The following ETFRF1 variants were observed in gnomAD, a reference collection of about 807,000 sequenced individuals.
ETFRF1 encodes electron transfer flavoprotein regulatory factor 1.
ETFRF1 carries 12 observed loss-of-function variants against 9.0 expected under a neutral mutation model. The ratio of observed to expected loss-of-function variants is 1.34; its 90% CI spans 0.86 to 2.16. The LOEUF (loss-of-function observed/expected upper bound fraction) is 2.16, where lower values mean the gene tolerates loss of function less well. Ranked by LOEUF, ETFRF1 falls within the 30% of genes most tolerant of loss-of-function variation. ETFRF1 has a pLI of 0.00. For synonymous variants in ETFRF1, 34 were observed against 33.2 expected (o/e 1.02, Z -0.08); for missense variants, 98 against 101.8 (o/e 0.96, Z 0.16).
intron 1 of ETFRF1, among the ~76,000 whole-genome samples, chr12:25,203,388 C>G (rs1324771818): frequency 6.6e-6 from 1 of 152,234 alleles, no homozygotes; most frequent in Non-Finnish European, 1.5e-5. Flanking sequence ...ACTATTCCAA[C>G]CTGCTTAACT....
chr12:25,202,081 A>AAAAAAAAAAAAAAAC, intron 1 of ETFRF1, among the ~76,000 whole-genome samples: 1 of 145,406 alleles, frequency 6.9e-6, no homozygotes, highest in Non-Finnish European at 1.5e-5. Flanking sequence ...AAAAAAAAAA[A>AAAAAAAAAAAAAAAC]AATTAGCCAG....
At position 25,204,493 on chromosome 12, in the gene ETFRF1, C is replaced by CA; in HGVS notation, c.*183dup. 1 of 440,412 alleles carries CA rather than the reference C, an allele frequency of 2.3e-6. No homozygotes were observed. Among genetic ancestry groups the CA allele is most frequent in the Non-Finnish European group, 3.9e-6 (1 of 255,808 alleles). 27.3% of individuals were successfully genotyped at this position (440,412 alleles called of 1,614,324 possible). The stretch of plus-strand genomic sequence containing the variant: ...GAGAAAGTATCAGCAACTTTATGCT[C>CA]AATTTTGATACAAACATAGCAATTT... On this transcript the variant is annotated 3_prime_UTR_variant, in exon 3 of 3. Transcript: ENST00000381356.
In ETFRF1 at chr12:25,195,327, C is replaced by A. The variant is rs1318864931; in HGVS notation, c.-48C>A. On this transcript the variant is annotated 5_prime_UTR_variant, in exon 1 of 3. Transcript: ENST00000381356. ...GCGGTCGAGGCTTTTGCGGCTCCGG[C>A]GTGCCGGAAAGTGCGTGAGTGCCGC... 2 of 601,590 alleles carry A rather than the reference C, an allele frequency of 3.3e-6. No individual in the cohort carries two copies. The highest frequency in any genetic ancestry group is 5.5e-5 in the East Asian group (2 of 36,216). The allele number at this position is 601,590 out of a possible 1,614,324, so 37.3% of individuals were successfully genotyped here. A position where few individuals can be genotyped will look rare whatever the true frequency, so the allele number is the denominator to read the frequency against.
chr12:25,202,305 AAGGCAGGCATCTGGGGAAGGTG>A (rs1951080869), intron 1 of ETFRF1, among the ~76,000 whole-genome samples: 4 of 152,068 alleles, frequency 2.6e-5, no homozygotes, highest in South Asian at 4.1e-4. Context: ...GGGGCTGAGC[AAGGCAGGCATCTGGGGAAGGTG>A]GGGGCGAGAG....
At chr12:25,201,701 T>C (rs1951074415) in intron 1 of ETFRF1, among the ~76,000 whole-genome samples, 1 of 152,142 alleles carries the variant, frequency 6.6e-6, no homozygotes, top group Non-Finnish European at 1.5e-5. Flanking sequence ...GCCTTTCAAA[T>C]TGTAAAAGGT....
chr12:25,199,554 A>C (rs955981527), intron 1 of ETFRF1, among the ~76,000 whole-genome samples: 21 of 151,096 alleles, frequency 1.4e-4, no homozygotes, highest in African/African-American at 5.1e-4. Context: ...GGAAAACTAC[A>C]TACTATATAC....
intron 1 of ETFRF1, 102 bp from the exon 2 acceptor site, chr12:25,203,818 T>C (rs1951097877): frequency 4.8e-6 from 3 of 626,438 alleles, no homozygotes; most frequent in Non-Finnish European, 7.6e-6. Flanking sequence ...GAAATATTTA[T>C]TGAATGTAAA....
intron 1 of ETFRF1, among the ~76,000 whole-genome samples, chr12:25,196,709 C>T (rs1352221347): frequency 6.6e-6 from 1 of 152,208 alleles, no homozygotes; most frequent in Non-Finnish European, 1.5e-5. Context: ...TTACTTAAAA[C>T]AGTAACCTCC....
intron 1 of ETFRF1, among the ~76,000 whole-genome samples, chr12:25,202,702 TGA>T (rs1406547802): frequency 6.6e-6 from 1 of 151,854 alleles, no homozygotes; most frequent in African/African-American, 2.4e-5. Flanking sequence ...GATTACATAG[TGA>T]GAGAAGGGGT....
chr12:25,203,055 G>T (rs973791333), intron 1 of ETFRF1, among the ~76,000 whole-genome samples: 1 of 152,186 alleles, frequency 6.6e-6, no homozygotes, highest in African/African-American at 2.4e-5. Context: ...AAAGGACTAG[G>T]TTCCTTGGAG....
Position 25,204,346 on chromosome 12 carries a change from C to T in ETFRF1, c.*34C>T. Reference sequence around the variant, plus strand: ...ACTTTAATTTAGCTATCAGTGCCAGCTGTTTATGTATACCAGATGTTGTAA... The same window carrying T: ...ACTTTAATTTAGCTATCAGTGCCAGTTGTTTATGTATACCAGATGTTGTAA... On this transcript the variant is annotated 3_prime_UTR_variant, in exon 3 of 3. Coordinates refer to ENST00000381356, the MANE Select transcript of ETFRF1 (RefSeq NM_001001660.3). The T allele has an allele frequency of 6.8e-7, 1 of 1,465,250 alleles. No homozygotes were observed. Among genetic ancestry groups the T allele is most frequent in the Non-Finnish European group, 9.2e-7 (1 of 1,091,706 alleles). The allele number at this position is 1,465,250 out of a possible 1,614,324, so 90.8% of individuals were successfully genotyped here.
intron 1 of ETFRF1, among the ~76,000 whole-genome samples, chr12:25,197,651 G>A (rs73071297): frequency 0.018 from 2,712 of 152,014 alleles, 53 homozygotes; most frequent in South Asian, 0.092. Context: ...ACTTTTAGTA[G>A]AGACAAGGTC....
At position 25,204,441 on chromosome 12, in the gene ETFRF1, A is replaced by G. The variant is rs895332519; in HGVS notation, c.*129A>G. On this transcript the variant is annotated 3_prime_UTR_variant, in exon 3 of 3. Transcript: ENST00000381356. The stretch of plus-strand genomic sequence containing the variant: ...AATCCCTGAGCTGCCCTACTGAACT[A>G]AATAGGTTTCAACTTCTGTTCATAC... The G allele has an allele frequency of 9.0e-6, 6 of 663,878 alleles. No homozygotes were observed. Among genetic ancestry groups the G allele is most frequent in the Non-Finnish European group, 1.1e-5 (5 of 439,604 alleles). 41.1% of individuals were successfully genotyped at this position (663,878 alleles called of 1,614,324 possible). A position where few individuals can be genotyped will look rare whatever the true frequency, so the allele number is the denominator to read the frequency against.
At chr12:25,200,828 C>T (rs1483731314) in intron 1 of ETFRF1, among the ~76,000 whole-genome samples, 3 of 152,178 alleles carry the variant, frequency 2.0e-5, no homozygotes, top group Admixed American at 6.5e-5. Context: ...AGAGGAATTT[C>T]TGGGAGCATG....
At position 25,195,276 on chromosome 12, in the gene ETFRF1, C is replaced by A; in HGVS notation, c.-99C>A. 1.5e-6 allele frequency: 1 copy of A among 647,160 alleles called. No homozygotes were observed. Among genetic ancestry groups the A allele is most frequent in the Non-Finnish European group, 2.8e-6 (1 of 361,546 alleles). The allele number at this position is 647,160 out of a possible 1,614,324, so 40.1% of individuals were successfully genotyped here. Reference sequence around the variant, plus strand: ...CACCTCCCCCAACGCCACCCCGCTTCGCAGTAGACGGACAGAGGAGTCGTA... The same window carrying A: ...CACCTCCCCCAACGCCACCCCGCTTAGCAGTAGACGGACAGAGGAGTCGTA... On this transcript the variant is annotated 5_prime_UTR_variant, in exon 1 of 3. Transcript: ENST00000381356.
intron 1 of ETFRF1, among the ~76,000 whole-genome samples, chr12:25,198,207 G>A (rs1951045976): frequency 6.6e-6 from 1 of 152,230 alleles, no homozygotes; most frequent in South Asian, 2.1e-4. Flanking sequence ...GGCATCCTCA[G>A]GCATTCTAGA....
At chr12:25,201,807 A>G (rs531994760) in intron 1 of ETFRF1, among the ~76,000 whole-genome samples, 1 of 152,258 alleles carries the variant, frequency 6.6e-6, no homozygotes, top group South Asian at 2.1e-4. Context: ...AGTTAACAGG[A>G]GAACTTAAAT....
chr12:25,197,185 AT>A (rs1360449922), intron 1 of ETFRF1, among the ~76,000 whole-genome samples: 1 of 152,162 alleles, frequency 6.6e-6, no homozygotes, highest in Non-Finnish European at 1.5e-5. Context: ...GCATTAATTC[AT>A]ATAAGTTAAC....
In ETFRF1 at chr12:25,205,129, T is replaced by G. The variant is rs1269185362; in HGVS notation, c.*817T>G. Reference sequence around the variant, plus strand: ...AGCACCTTTTAGAAATAAAGGATACTTCTAACAAGCTGCATAAAAGATTCA... The same window carrying G: ...AGCACCTTTTAGAAATAAAGGATACGTCTAACAAGCTGCATAAAAGATTCA... On this transcript the variant is annotated 3_prime_UTR_variant, in exon 3 of 3. Coordinates refer to ENST00000381356, the MANE Select transcript of ETFRF1 (RefSeq NM_001001660.3). The G allele has an allele frequency of 4.6e-6, 1 of 217,124 alleles. No homozygotes were observed. Among genetic ancestry groups the G allele is most frequent in the Non-Finnish European group, 9.3e-6 (1 of 107,626 alleles). 13.4% of individuals were successfully genotyped at this position (217,124 alleles called of 1,614,324 possible). A position where few individuals can be genotyped will look rare whatever the true frequency, so the allele number is the denominator to read the frequency against.
Sources: allele counts gnomAD v4.1 joint callset (sites outside exome capture counted in the v4.1 genomes callset), GRCh38; gene constraint gnomAD v4.1.1; transcripts MANE v1.5; gene names NCBI Gene and HGNC (gene_info 2026-07-23, HGNC 2026-07-21).